Variants in GRID2 observed in about 807,000 individuals in gnomAD.
GRID2 encodes the protein glutamate receptor ionotropic, delta-2.
A neutral mutation model predicts 114.8 loss-of-function variants in GRID2; 33 were observed. The observed-to-expected ratio is 0.29, with a 90% confidence interval of 0.22 to 0.38. GRID2 has a LOEUF of 0.38. GRID2 is among the 10% of genes least tolerant of loss of function. GRID2 has a pLI of 1.00. For synonymous variants in GRID2, 505 were observed against 449.9 expected (o/e 1.12, Z -1.55); for missense variants, 1,184 against 1,257.7 (o/e 0.94, Z 0.89).
At chr4:93,312,576 C>G (rs1178798449) in intron 8 of GRID2, among the ~76,000 whole-genome samples, 6 of 152,100 alleles carry the variant, frequency 3.9e-5, no homozygotes, top group East Asian at 1.9e-4. Flanking sequence ...TTCAACCCAT[C>G]AAGGAAGTAG....
intron 2 of GRID2, among the ~76,000 whole-genome samples, chr4:92,782,100 A>G (rs1739106330): frequency 6.6e-6 from 1 of 152,058 alleles, no homozygotes; most frequent in Admixed American, 6.6e-5. Context: ...GTTTTTCAAT[A>G]CCATCAATTT....
chr4:92,978,078 G>A (rs967583499), intron 2 of GRID2, among the ~76,000 whole-genome samples: 11 of 152,066 alleles, frequency 7.2e-5, no homozygotes, highest in African/African-American at 2.2e-4. Context: ...GGTGATTCAC[G>A]ACCAATCCAT....
chr4:92,804,284 A>C (rs1740309855), intron 2 of GRID2, among the ~76,000 whole-genome samples: 1 of 152,044 alleles, frequency 6.6e-6, no homozygotes, highest in Admixed American at 6.6e-5. Context: ...CTATTTAATT[A>C]TTGTATTTTA....
intron 14 of GRID2, among the ~76,000 whole-genome samples, chr4:93,690,263 AG>A (rs1176901829): frequency 6.6e-6 from 1 of 152,010 alleles, no homozygotes; most frequent in African/African-American, 2.4e-5. Flanking sequence ...AACAAATGCT[AG>A]GCTATAAAAA....
At chr4:93,210,281 CA>C (rs1743302986) in intron 5 of GRID2, among the ~76,000 whole-genome samples, 1 of 151,980 alleles carries the variant, frequency 6.6e-6, no homozygotes, top group South Asian at 2.1e-4. Context: ...TAAAATGGTC[CA>C]GTTTCAATCT....
intron 2 of GRID2, among the ~76,000 whole-genome samples, chr4:92,596,577 G>C (rs1728965020): frequency 1.3e-5 from 2 of 151,898 alleles, no homozygotes. Flanking sequence ...TCTAAAGACT[G>C]GGCCACAAGG....
intron 2 of GRID2, among the ~76,000 whole-genome samples, chr4:92,762,619 C>T (rs1217405529): frequency 6.6e-6 from 1 of 152,126 alleles, no homozygotes; most frequent in Non-Finnish European, 1.5e-5. Context: ...TGTAGTGATG[C>T]CCCACTTGTT....
chr4:93,163,350 T>G lies in GRID2; in HGVS notation c.736-44054T>G, dbSNP rs1344337194. ...CTTTATTTTCCACTTCTGATTTTTT[T>G]TTTGTGTATATATATATATATATAT... On this transcript the variant is annotated intron_variant, in intron 4 of 15. Transcript: ENST00000282020. 3.7e-4 allele frequency among the ~76,000 whole-genome samples: 22 copies of G among 60,242 alleles called. 1 individual carries two copies. The highest frequency in any genetic ancestry group is 1.8e-3 in the African/African-American group (19 of 10,594). The allele number at this position is 60,242 out of a possible 152,430, so 39.5% of individuals were successfully genotyped here.
At chr4:93,633,870 T>C (rs1721173204) in intron 14 of GRID2, among the ~76,000 whole-genome samples, 2 of 152,140 alleles carry the variant, frequency 1.3e-5, no homozygotes, top group Admixed American at 1.3e-4. Flanking sequence ...ATGGGGTGCT[T>C]TCCAAGCATT....
chr4:93,678,665 T>A (rs1314837112), intron 14 of GRID2, among the ~76,000 whole-genome samples: 1 of 151,944 alleles, frequency 6.6e-6, no homozygotes, highest in Non-Finnish European at 1.5e-5. Context: ...GAATTTCATA[T>A]CCAGCCAAAC....
At chr4:92,905,434 A>G (rs1747874159) in intron 2 of GRID2, among the ~76,000 whole-genome samples, 1 of 152,054 alleles carries the variant, frequency 6.6e-6, no homozygotes, top group South Asian at 2.1e-4. Context: ...TAAACTAAAT[A>G]ACTACATTGT....
intron 14 of GRID2, among the ~76,000 whole-genome samples, chr4:93,667,698 A>T (rs2149747003): frequency 6.6e-6 from 1 of 152,152 alleles, no homozygotes; most frequent in Middle Eastern, 3.4e-3. Flanking sequence ...GAACATACTG[A>T]TTAATATTTT....
In GRID2 at chr4:93,577,077, G is replaced by GT. The variant is rs546056637; in HGVS notation, c.2194-49185dup. Among the ~76,000 whole-genome samples the GT allele has an allele frequency of 1.6e-4, 24 of 152,140 alleles. No individual in the cohort carries two copies. In the South Asian group the frequency reaches 4.8e-3, roughly 30 times the overall value. ...CATCTGCCTTTCCCCAAAAATGTGT[G>GT]TTTTTTTACCCATTTGGTTTAATAT... On this transcript the variant is annotated intron_variant, in intron 13 of 15. Transcript: ENST00000282020.
intron 2 of GRID2, among the ~76,000 whole-genome samples, chr4:92,634,297 G>A (rs1444539347): frequency 6.6e-6 from 1 of 152,078 alleles, no homozygotes; most frequent in Non-Finnish European, 1.5e-5. Context: ...AACTTTTAAT[G>A]TTTTCCAAGG....
intron 8 of GRID2, among the ~76,000 whole-genome samples, chr4:93,241,377 G>T (rs1009344585): frequency 6.6e-6 from 1 of 151,388 alleles, no homozygotes; most frequent in African/African-American, 2.4e-5. Flanking sequence ...GGCATTTTTG[G>T]ATCGTTATCA....
intron 8 of GRID2, among the ~76,000 whole-genome samples, chr4:93,379,801 G>A (rs891291481): frequency 6.6e-6 from 1 of 152,038 alleles, no homozygotes; most frequent in Admixed American, 6.6e-5. Flanking sequence ...TTTGAGAGAT[G>A]CAAACTCAAC....
chr4:92,575,847 C>T (rs1267081254), intron 1 of GRID2, among the ~76,000 whole-genome samples: 1 of 152,224 alleles, frequency 6.6e-6, no homozygotes, highest in African/African-American at 2.4e-5. Context: ...CAGACACTCC[C>T]TCCCAGAGAG....
At chr4:92,894,266 T>C (rs540223807) in intron 2 of GRID2, among the ~76,000 whole-genome samples, 1 of 152,258 alleles carries the variant, frequency 6.6e-6, no homozygotes, top group East Asian at 1.9e-4. Flanking sequence ...TGGTCTTCTT[T>C]TATTAGCTTT....
intron 15 of GRID2, 81 bp from the exon 16 acceptor site, chr4:93,771,993 CAT>C (rs922974733): frequency 9.0e-6 from 7 of 774,132 alleles, no homozygotes; most frequent in Non-Finnish European, 1.5e-5. Context: ...CAGTTAATTA[CAT>C]GTTTGCTGAA....
Sources: gnomAD v4.1 joint callset for allele counts (sites outside exome capture counted in the v4.1 genomes callset) on GRCh38, gnomAD v4.1.1 for gene constraint, MANE v1.5 for transcripts, NCBI Gene and HGNC (gene_info 2026-07-23, HGNC 2026-07-21) for gene names.